CSMD1: variants seen among roughly 807,000 people sequenced by gnomAD.
The protein encoded by CSMD1 is CUB and sushi domain-containing protein 1.
Under a neutral mutation model 417.5 loss-of-function variants are expected in CSMD1, and 213 were observed. The ratio of observed to expected loss-of-function variants is 0.51; its 90% CI spans 0.46 to 0.57. CSMD1 has a LOEUF of 0.57. Ranked by LOEUF, CSMD1 falls within the 20% of genes least tolerant of loss-of-function variation. The pLI is 0.00. For missense variants in CSMD1, 6,923 were observed against 4,529.7 expected, an observed-to-expected ratio of 1.53 and a Z score of -15.17; for synonymous variants, 2,862 against 1,736.8, an observed-to-expected ratio of 1.65 and a Z score of -16.11.
intron 1 of CSMD1, among the ~76,000 whole-genome samples, chr8:4,942,916 G>C (rs933148099): frequency 2.0e-5 from 3 of 152,194 alleles, no homozygotes; most frequent in African/African-American, 7.2e-5. Context: ...TGAAACAATG[G>C]TTTGGATTAG....
At chr8:4,868,010 A>C (rs780893533) in intron 1 of CSMD1, among the ~76,000 whole-genome samples, 1 of 152,054 alleles carries the variant, frequency 6.6e-6, no homozygotes, top group Non-Finnish European at 1.5e-5. Flanking sequence ...CAAAACTGCT[A>C]AATGCGGAAA....
At chr8:4,954,367 A>AT (rs1181219723) in intron 1 of CSMD1, among the ~76,000 whole-genome samples, 2 of 152,124 alleles carry the variant, frequency 1.3e-5, no homozygotes, top group Admixed American at 6.6e-5. Context: ...CTAAAGACAC[A>AT]TTTTTTGTGT....
chr8:3,658,135 A>G (rs1190272149), intron 7 of CSMD1, among the ~76,000 whole-genome samples: 1 of 152,064 alleles, frequency 6.6e-6, no homozygotes, highest in Non-Finnish European at 1.5e-5. Context: ...CAACTCAAAA[A>G]CTTCAGCAGC....
intron 25 of CSMD1, among the ~76,000 whole-genome samples, chr8:3,305,544 A>G (rs1325698871): frequency 1.3e-5 from 2 of 150,892 alleles, no homozygotes; most frequent in East Asian, 3.9e-4. Context: ...GCTTGGCCCC[A>G]TTTCCTCTCT....
chr8:4,328,600 T>C (rs60323710), intron 3 of CSMD1, among the ~76,000 whole-genome samples: 1 of 151,766 alleles, frequency 6.6e-6, no homozygotes, highest in African/African-American at 2.4e-5. Flanking sequence ...AAAAATGAAG[T>C]CATTTTGTTT....
At chr8:4,465,020 A>G (rs890817132) in intron 2 of CSMD1, among the ~76,000 whole-genome samples, 1 of 152,142 alleles carries the variant, frequency 6.6e-6, no homozygotes. Context: ...TGGGAAAGGA[A>G]GAAAATAGGA....
chr8:4,002,209 G>A (rs187448659), intron 4 of CSMD1, among the ~76,000 whole-genome samples: 1 of 151,290 alleles, frequency 6.6e-6, no homozygotes, highest in Admixed American at 6.6e-5. Flanking sequence ...CTGTGAGTGT[G>A]TGTGTGTGAG....
chr8:3,176,149 G>A (rs1820922157), intron 37 of CSMD1, among the ~76,000 whole-genome samples: 1 of 152,096 alleles, frequency 6.6e-6, no homozygotes, highest in African/African-American at 2.4e-5. Context: ...CAAATTTAGT[G>A]AAGAAGGCCT....
intron 1 of CSMD1, among the ~76,000 whole-genome samples, chr8:4,865,222 A>G (rs1802358421): frequency 6.6e-6 from 1 of 151,786 alleles, no homozygotes; most frequent in African/African-American, 2.4e-5. Context: ...TCCTTTATTT[A>G]AAAAATTAAA....
At chr8:3,387,312 A>G (rs1039757766) in intron 18 of CSMD1, among the ~76,000 whole-genome samples, 182 bp downstream of exon 18, 9 of 152,162 alleles carry the variant, frequency 5.9e-5, no homozygotes, top group Non-Finnish European at 1.2e-4. Flanking sequence ...TAGTACATAC[A>G]CGGTGGTAGG....
chr8:3,687,258 G>C (rs12335121), intron 7 of CSMD1, among the ~76,000 whole-genome samples: 2,064 of 152,302 alleles, frequency 0.014, 59 homozygotes, highest in African/African-American at 0.048. Flanking sequence ...GTCCAGCTTA[G>C]CATTTCCAGG....
chr8:4,158,246 C>T (rs1383759020), intron 3 of CSMD1, among the ~76,000 whole-genome samples: 1 of 151,964 alleles, frequency 6.6e-6, no homozygotes. Flanking sequence ...GGATCATGCC[C>T]CCATGCCAGC....
intron 3 of CSMD1, among the ~76,000 whole-genome samples, chr8:4,046,764 A>T (rs1226190575): frequency 6.6e-6 from 1 of 152,210 alleles, no homozygotes; most frequent in Non-Finnish European, 1.5e-5. Flanking sequence ...ACACACACAC[A>T]TATTGTAATT....
chr8:4,834,258 G>A (rs1800326087), intron 1 of CSMD1, among the ~76,000 whole-genome samples: 1 of 152,114 alleles, frequency 6.6e-6, no homozygotes, highest in South Asian at 2.1e-4. Flanking sequence ...TAGAAGGTAG[G>A]ACATCAAGTA....
chr8:3,293,372 T>A (rs1803721277), intron 25 of CSMD1, among the ~76,000 whole-genome samples: 1 of 152,216 alleles, frequency 6.6e-6, no homozygotes. Flanking sequence ...AATGTTGGCC[T>A]GCCTTGCTAG....
intron 3 of CSMD1, among the ~76,000 whole-genome samples, chr8:4,229,985 C>T (rs1035506668): frequency 2.0e-5 from 3 of 152,142 alleles, no homozygotes; most frequent in Admixed American, 6.5e-5. Context: ...CATTATAACA[C>T]TTAAGTCTGT....
At chr8:3,052,417 C>G (rs537511841) in intron 50 of CSMD1, 45 bp downstream of exon 50, 3 of 1,487,198 alleles carry the variant, frequency 2.0e-6, no homozygotes, top group Middle Eastern at 1.9e-4. Flanking sequence ...GCATTCAGTT[C>G]CCACCTAAAC....
At chr8:3,154,758 G>C (rs1173469616) in intron 39 of CSMD1, among the ~76,000 whole-genome samples, 2 of 152,126 alleles carry the variant, frequency 1.3e-5, no homozygotes, top group East Asian at 3.9e-4. Flanking sequence ...AACACTGCTT[G>C]ATATATTAAC....
intron 1 of CSMD1, among the ~76,000 whole-genome samples, chr8:4,833,648 G>C (rs1800284465): frequency 6.6e-6 from 1 of 152,164 alleles, no homozygotes; most frequent in African/African-American, 2.4e-5. Context: ...CAACAGAGTA[G>C]ACAACACTAC....
Sources: gnomAD v4.1 joint callset for allele counts (sites outside exome capture counted in the v4.1 genomes callset) on GRCh38, gnomAD v4.1.1 for gene constraint, MANE v1.5 for transcripts, NCBI Gene and HGNC (gene_info 2026-07-23, HGNC 2026-07-21) for gene names.